Variants in IQSEC1 observed in about 807,000 individuals in gnomAD.
The protein encoded by IQSEC1 is IQ motif and Sec7 domain ArfGEF 1, also known as IQ motif and SEC7 domain-containing protein 1.
IQSEC1 carries 31 observed loss-of-function variants against 91.0 expected under a neutral mutation model. The observed-to-expected ratio is 0.34, with a 90% CI of 0.26 to 0.46. The LOEUF (loss-of-function observed/expected upper bound fraction) is 0.46, where lower values mean the gene tolerates loss of function less well. Ranked by LOEUF, IQSEC1 falls within the 20% of genes least tolerant of loss-of-function variation. IQSEC1 has a pLI of 1.00. For synonymous variants in IQSEC1, 699 were observed against 662.6 expected, an observed-to-expected ratio of 1.05 and a Z score of -0.84; for missense variants, 1,388 against 1,575.6, an observed-to-expected ratio of 0.88 and a Z score of 2.02.
chr3:12,908,362 G>A lies in IQSEC1; in HGVS notation c.2742C>T (p.Asp914=). 1 of 1,611,828 alleles carries A rather than the reference G, an allele frequency of 6.2e-7. No homozygotes were observed. Among genetic ancestry groups the A allele is most frequent in the African/African-American group, 1.3e-5 (1 of 75,016 alleles). ...KRSALSSSLR[D]LSEAGKRGRR... Reference sequence around the variant, plus strand: ...CCAAGCTCTTACCGGCTTCCGAGAGGTCCCGCAGGGAGCTGCTGAGGGCGC... The same window carrying A: ...CCAAGCTCTTACCGGCTTCCGAGAGATCCCGCAGGGAGCTGCTGAGGGCGC... Residue 914 remains aspartate (D), a synonymous_variant, in exon 12 of 14, where the codon GAC becomes GAT. Transcript: ENST00000613206. This position sits in a 1 kb window ranked among gnomAD's most constrained non-coding sequence, Gnocchi z 4.9.
intron 2 of IQSEC1, among the ~76,000 whole-genome samples, chr3:13,128,678 A>G (rs1706557867): frequency 6.6e-6 from 1 of 152,136 alleles, no homozygotes; most frequent in South Asian, 2.1e-4. Flanking sequence ...ATCCTGGCTA[A>G]CATGGTGAAA....
chr3:13,255,735 G>A (rs1695273866), intron 1 of IQSEC1, among the ~76,000 whole-genome samples: 2 of 152,020 alleles, frequency 1.3e-5, no homozygotes, highest in Non-Finnish European at 2.9e-5. Context: ...TCCCACCTCA[G>A]CCTCCTGAGT....
chr3:12,905,947 G>C (rs889207466), intron 12 of IQSEC1, among the ~76,000 whole-genome samples: 1 of 152,190 alleles, frequency 6.6e-6, no homozygotes, highest in African/African-American at 2.4e-5. Context: ...TGAGCACCGG[G>C]TGGGGAGTCT....
chr3:12,989,739 G>A (rs1230365220), intron 1 of IQSEC1, among the ~76,000 whole-genome samples: 1 of 152,210 alleles, frequency 6.6e-6, no homozygotes, highest in Admixed American at 6.5e-5. Context: ...CCTCCTGAGT[G>A]CTGGTTCTGA....
chr3:13,169,543 C>G (rs1254531972), intron 1 of IQSEC1, among the ~76,000 whole-genome samples: 1 of 152,140 alleles, frequency 6.6e-6, no homozygotes. Context: ...CAGAAGAAGA[C>G]AGGAAAATGT....
intron 2 of IQSEC1, 98 bp downstream of exon 2, chr3:12,941,473 T>C: frequency 8.0e-7 from 1 of 1,250,552 alleles, no homozygotes; most frequent in Non-Finnish European, 1.1e-6. Context: ...AACTCAAGTC[T>C]ATGGGAGAGA....
At chr3:12,976,982 T>C (rs951600541) in intron 1 of IQSEC1, among the ~76,000 whole-genome samples, 1 of 152,158 alleles carries the variant, frequency 6.6e-6, no homozygotes, top group African/African-American at 2.4e-5. Flanking sequence ...GATTCTCATC[T>C]CTAGTGTGCT....
chr3:13,074,561 C>T (rs11718794), upstream of IQSEC1, among the ~76,000 whole-genome samples: 24,044 of 152,204 alleles, frequency 0.16, 2,149 homozygotes, highest in Middle Eastern at 0.34. Flanking sequence ...CCCAATGAGG[C>T]CTAATACTAT....
chr3:13,022,008 A>T, intron 1 of IQSEC1: 1 of 1,223,750 alleles, frequency 8.2e-7, no homozygotes, highest in Non-Finnish European at 1.0e-6. Context: ...AGCCAGGCAG[A>T]GCAGCCATGC....
rs146862367 is a variant in IQSEC1 at position 13,130,215 on chromosome 3, G to A, written c.302+33889C>T. 8.1e-3 allele frequency among the ~76,000 whole-genome samples: 1,223 copies of A among 151,200 alleles called. 25 individuals carry two copies. Among genetic ancestry groups the A allele is most frequent in the African/African-American group, 0.028 (1,177 of 41,300 alleles). ...AAAAATTAGCCAGGTGTGGTGGCGC[G>A]CGCCTGTACTCCCAGCTACTCGGAA... On this transcript the variant is annotated intron_variant, in intron 2 of 15. Transcript: ENST00000648114.
intron 1 of IQSEC1, among the ~76,000 whole-genome samples, chr3:13,200,825 C>T (rs1162841611): frequency 1.3e-5 from 2 of 152,208 alleles, no homozygotes; most frequent in African/African-American, 4.8e-5. Context: ...GTCACTAAAC[C>T]TCTCTGTGCT....
intron 1 of IQSEC1, among the ~76,000 whole-genome samples, chr3:12,980,887 C>T (rs1701417693): frequency 6.6e-6 from 1 of 152,244 alleles, no homozygotes; most frequent in African/African-American, 2.4e-5. Context: ...GCGTGACAAC[C>T]ATGGCTGTCT....
intron 1 of IQSEC1, among the ~76,000 whole-genome samples, chr3:12,975,232 T>C (rs1160360736): frequency 6.6e-6 from 1 of 152,194 alleles, no homozygotes; most frequent in Non-Finnish European, 1.5e-5. Flanking sequence ...GGAGCCAAGG[T>C]GTGTTGAGTG....
At chr3:12,916,853 T>C (rs114715644) in intron 6 of IQSEC1, among the ~76,000 whole-genome samples, 300 of 152,322 alleles carry the variant, frequency 2.0e-3, no homozygotes, top group African/African-American at 6.7e-3. Context: ...GTAAAGCACA[T>C]GGGCCGTTTC....
At chr3:13,165,512 G>A (rs1011473818) in intron 1 of IQSEC1, among the ~76,000 whole-genome samples, 2 of 119,308 alleles carry the variant, frequency 1.7e-5, no homozygotes, top group Admixed American at 1.8e-4. Context: ...GAAAGCAAGC[G>A]GGGGGGTGGG....
In IQSEC1 at chr3:13,026,864, G is replaced by GCTTTTTTTTTTTTT. The variant is rs370534423; in HGVS notation, c.23+46127_23+46128insAAAAAAAAAAAAAG. ...TGAAGTAGCAGTTATTATCTCCCCA[G>GCTTTTTTTTTTTTT]TTTTTTTTTTTTTTGTTTGTTTTTT... On this transcript the variant is annotated intron_variant, in intron 1 of 13. Transcript: ENST00000613206. 3.3e-5 allele frequency among the ~76,000 whole-genome samples: 3 copies of GCTTTTTTTTTTTTT among 90,864 alleles called. 1 individual carries two copies. Among genetic ancestry groups the GCTTTTTTTTTTTTT allele is most frequent in the African/African-American group, 6.7e-5 (2 of 29,786 alleles). The allele number at this position is 90,864 out of a possible 152,430, so 59.6% of individuals were successfully genotyped here.
chr3:13,206,032 TC>T (rs1448682166), intron 1 of IQSEC1, among the ~76,000 whole-genome samples: 2 of 132,910 alleles, frequency 1.5e-5, no homozygotes, highest in Admixed American at 1.5e-4. Flanking sequence ...CCATCCCCCA[TC>T]CCCCCATCTG....
intron 1 of IQSEC1, among the ~76,000 whole-genome samples, chr3:13,269,387 C>T (rs530213106): frequency 3.9e-5 from 6 of 152,352 alleles, no homozygotes; most frequent in Non-Finnish European, 8.8e-5. Flanking sequence ...GTTTTGGCTG[C>T]TTTGCCATAT....
chr3:13,065,752 T>C (rs997681352), intron 1 of IQSEC1, among the ~76,000 whole-genome samples: 18 of 152,088 alleles, frequency 1.2e-4, no homozygotes, highest in African/African-American at 4.3e-4. Context: ...CCAACAGAAA[T>C]GGAACCAGGG....
Sources: gnomAD v4.1 joint callset for allele counts (sites outside exome capture counted in the v4.1 genomes callset) on GRCh38, gnomAD v4.1.1 for gene constraint, Gnocchi (gnomAD v3.1) non-coding constraint, MANE v1.5 for transcripts, NCBI Gene and HGNC (gene_info 2026-07-23, HGNC 2026-07-21) for gene names.